The following SVEP1 variants were observed in gnomAD, a reference collection of about 807,000 sequenced individuals.
SVEP1 encodes sushi, von Willebrand factor type A, EGF and pentraxin domain containing 1, also known as sushi, von Willebrand factor type A, EGF and pentraxin domain-containing protein 1.
Under a neutral mutation model 367.3 loss-of-function variants are expected in SVEP1, and 164 were observed. The observed-to-expected ratio is 0.45, with a 90% CI of 0.39 to 0.51. The LOEUF is 0.51. Among genes scored for constraint, SVEP1 ranks in the 20% least tolerant of loss-of-function variants. The pLI is 0.00. For synonymous variants in SVEP1, 1,666 were observed against 1,611.6 expected (o/e 1.03, Z -0.81); for missense variants, 4,117 against 4,425.3 (o/e 0.93, Z 1.98).
Position 110,379,491 on chromosome 9 carries a change from C to A in SVEP1, c.10264G>T (p.Val3422Leu). The change falls in exon 44 of 48, where the codon GTA becomes TTA. Residue 3422 changes from valine to leucine, a missense_variant. Physicochemically the swap from Val to Leu is conservative, Grantham distance 32 (BLOSUM62 1). Around this residue, in one of 4 missense-constraint regions of SVEP1, gnomAD observed 1,765 missense variants for 1,781.1 expected, o/e 0.99. Coordinates refer to ENST00000374469, the MANE Select transcript of SVEP1 (RefSeq NM_153366.4). ...ACGCCTCGAGCAATTGCATTTTCTA[C>A]GTGAGCTGGTGGACCACATGAGATT... The part of the protein sequence containing the change: ...EKISCGPPAH[V>L]ENAIARGVHY... 6.2e-7 allele frequency: 1 copy of A among 1,613,588 alleles called. No homozygotes were observed.
chr9:110,387,124 A>G (rs1160894436), intron 42 of SVEP1, among the ~76,000 whole-genome samples, 161 bp downstream of exon 42: 1 of 152,178 alleles, frequency 6.6e-6, no homozygotes, highest in Non-Finnish European at 1.5e-5. Flanking sequence ...TAACACAAAC[A>G]TATTTTTAAA....
At chr9:110,431,785 T>A in intron 32 of SVEP1, 130 bp downstream of exon 32, 1 of 1,236,322 alleles carries the variant, frequency 8.1e-7, no homozygotes. Flanking sequence ...AAGAACTTTA[T>A]CTTATCTGCC....
chr9:110,379,621 G>C (rs1827404378), intron 43 of SVEP1, 104 bp from the exon 44 acceptor site: 1 of 1,192,300 alleles, frequency 8.4e-7, no homozygotes. Flanking sequence ...AAATACATAA[G>C]GGAAACATTT....
At chr9:110,383,067 C>T (rs535781780) in intron 43 of SVEP1, among the ~76,000 whole-genome samples, 1 of 152,224 alleles carries the variant, frequency 6.6e-6, no homozygotes, top group Non-Finnish European at 1.5e-5. Flanking sequence ...TTCAATTCAT[C>T]AATCCTAGCC....
At chr9:110,517,921 T>C (rs1023965640) in intron 3 of SVEP1, among the ~76,000 whole-genome samples, 1 of 152,022 alleles carries the variant, frequency 6.6e-6, no homozygotes, top group African/African-American at 2.4e-5. Context: ...TGAAAACAAA[T>C]ACTAAAGAAA....
Position 110,471,429 on chromosome 9 carries a change from G to T in SVEP1, c.2933C>A (p.Ser978Ter). ...ASEILIADSN[S>*]LETKKASPFC... Reference sequence around the variant, plus strand: ...GGGGGAAGCCTTTTTTGTTTCTAATGAATTGCTGTCGGCTATAAGTATTTC... The same window carrying T: ...GGGGGAAGCCTTTTTTGTTTCTAATTAATTGCTGTCGGCTATAAGTATTTC... Residue 978 changes from serine (S) to a stop codon, truncating the protein, a stop_gained, in exon 16 of 48, where the codon TCA becomes TAA. Coordinates refer to ENST00000374469, the MANE Select transcript of SVEP1 (RefSeq NM_153366.4). LOFTEE classifies it high-confidence loss of function. 6.2e-7 allele frequency: 1 copy of T among 1,613,936 alleles called. No individual in the cohort carries two copies.
At position 110,579,044 on chromosome 9, in the gene SVEP1, G is replaced by A. The variant is rs1830660118; in HGVS notation, c.500C>T (p.Thr167Ile). ...TTGCTGGAAGGCGCCCTTGGTGTAG[G>A]TGCCGCCACCTCGGTAGGAGATGGC... is the stretch of plus-strand genomic sequence containing the variant. ...IPAISYRGGGTYTKGAFQQAA... is the reference protein window; with the variant it reads ...IPAISYRGGGIYTKGAFQQAA... Residue 167 changes from threonine (T) to isoleucine (I), a missense_variant, in exon 1 of 48, where the codon ACC (threonine) becomes ATC (isoleucine). Physicochemically the swap from Thr to Ile is moderately conservative, Grantham distance 89 (BLOSUM62 -1). Transcript: ENST00000374469. This position sits in a 1 kb window ranked among gnomAD's most constrained non-coding sequence, Gnocchi z 5.3. The A allele has an allele frequency of 3.9e-6, 6 of 1,549,454 alleles. No homozygotes were observed. Among genetic ancestry groups the A allele is most frequent in the Non-Finnish European group, 5.2e-6 (6 of 1,146,832 alleles).
chr9:110,408,060 G>T lies in SVEP1; in HGVS notation c.7540C>A (p.Leu2514Ile). 1 of 1,613,944 alleles carries T rather than the reference G, an allele frequency of 6.2e-7. No individual in the cohort carries two copies. The highest frequency in any genetic ancestry group is 8.5e-7 in the Non-Finnish European group (1 of 1,179,882). ...ILNGKFSYTD[L>I]HYGQTVTYSC... ...TAGGTAACGGTCTGTCCATAGTGTA[G>T]GTCCGTGTAAGAGAATTTGCCATTC... is the stretch of plus-strand genomic sequence containing the variant. The change falls in exon 38 of 48, where the codon CTA becomes ATA. Residue 2514 changes from leucine to isoleucine, a missense_variant. Coordinates refer to ENST00000374469, the MANE Select transcript of SVEP1 (RefSeq NM_153366.4).
intron 20 of SVEP1, among the ~76,000 whole-genome samples, 192 bp downstream of exon 20, chr9:110,458,279 G>A (rs768478535): frequency 3.3e-5 from 5 of 152,162 alleles, no homozygotes; most frequent in Non-Finnish European, 5.9e-5. Context: ...TTGGTACTTA[G>A]AACATCTAAT....
chr9:110,486,770 G>C (rs1829285060), intron 9 of SVEP1, among the ~76,000 whole-genome samples: 1 of 151,424 alleles, frequency 6.6e-6, no homozygotes, highest in Admixed American at 6.6e-5. Context: ...TCATTCTCCT[G>C]AATAGCTGAG....
At chr9:110,515,877 C>A (rs1829792853) in intron 3 of SVEP1, among the ~76,000 whole-genome samples, 1 of 152,002 alleles carries the variant, frequency 6.6e-6, no homozygotes, top group Non-Finnish European at 1.5e-5. Context: ...TTGTTAACTT[C>A]CTAATACCTT....
chr9:110,438,311 CAAAT>C (rs1410188260), intron 27 of SVEP1, among the ~76,000 whole-genome samples: 1 of 150,748 alleles, frequency 6.6e-6, no homozygotes, highest in African/African-American at 2.4e-5. Context: ...CTCAGCCTCC[CAAAT>C]AGATAGCTGG....
intron 21 of SVEP1, among the ~76,000 whole-genome samples, chr9:110,456,187 T>C (rs773503883): frequency 3.3e-5 from 5 of 152,162 alleles, no homozygotes; most frequent in Middle Eastern, 3.4e-3. Context: ...TTTCTCAGGG[T>C]CCTCCTCACT....
intron 46 of SVEP1, among the ~76,000 whole-genome samples, chr9:110,371,375 G>A (rs1050721048): frequency 1.3e-5 from 2 of 152,014 alleles, no homozygotes; most frequent in East Asian, 1.9e-4. Context: ...CTATCACGTC[G>A]GTGGTCCCAG....
intron 3 of SVEP1, among the ~76,000 whole-genome samples, chr9:110,517,363 C>T (rs1829818153): frequency 6.6e-6 from 1 of 151,810 alleles, no homozygotes; most frequent in Non-Finnish European, 1.5e-5. Context: ...TTTGGGAGGT[C>T]GAGGTGGGTG....
At chr9:110,519,643 T>C (rs1829853076) in intron 3 of SVEP1, among the ~76,000 whole-genome samples, 1 of 152,064 alleles carries the variant, frequency 6.6e-6, no homozygotes, top group East Asian at 1.9e-4. Context: ...GACCTGGCCA[T>C]TGTCCAGCCA....
At chr9:110,503,384 A>G (rs901132201) in intron 5 of SVEP1, among the ~76,000 whole-genome samples, 167 bp from the exon 6 acceptor site, 20 of 152,238 alleles carry the variant, frequency 1.3e-4, no homozygotes, top group Non-Finnish European at 2.6e-4. Context: ...GGGACAATTG[A>G]AAGTTCATGT....
intron 1 of SVEP1, among the ~76,000 whole-genome samples, chr9:110,570,929 C>T (rs987636876): frequency 6.7e-6 from 1 of 149,968 alleles, no homozygotes; most frequent in Non-Finnish European, 1.5e-5. Flanking sequence ...GATTTCTTGA[C>T]GTCATCTCCC....
In SVEP1 at chr9:110,470,723, AC is replaced by A. The variant is rs1829002893; in HGVS notation, c.2998+640del. Reference sequence around the variant, plus strand: ...AGTGCTGGGATTACAGGCATGAGCTACCGAGCCTGGCCTCCACTTACTGTCT... The same window carrying A: ...AGTGCTGGGATTACAGGCATGAGCTACGAGCCTGGCCTCCACTTACTGTCT... On this transcript the variant is annotated intron_variant, in intron 16 of 47. Coordinates refer to ENST00000374469, the MANE Select transcript of SVEP1 (RefSeq NM_153366.4). 2.0e-5 allele frequency among the ~76,000 whole-genome samples: 3 copies of A among 151,400 alleles called. No homozygotes were observed. The Middle Eastern group carries it at 0.011, about 533-fold the overall frequency.
Sources: gnomAD v4.1 joint callset for allele counts (sites outside exome capture counted in the v4.1 genomes callset) on GRCh38, gnomAD v4.1.1 for gene constraint, gnomAD v4.1.1 regional missense constraint, Gnocchi (gnomAD v3.1) non-coding constraint, MANE v1.5 for transcripts, NCBI Gene and HGNC (gene_info 2026-07-23, HGNC 2026-07-21) for gene names.